The following ETV6 variants were observed in gnomAD, a reference collection of about 807,000 sequenced individuals.
The protein encoded by ETV6 is ETS variant transcription factor 6, also known as transcription factor ETV6.
A neutral mutation model predicts 51.1 loss-of-function variants in ETV6; 16 were observed. The ratio of observed to expected loss-of-function variants is 0.31; its 90% CI spans 0.21 to 0.48. The LOEUF (loss-of-function observed/expected upper bound fraction) is 0.48, where lower values mean the gene tolerates loss of function less well. Among genes scored for constraint, ETV6 ranks in the 20% least tolerant of loss-of-function variants. The pLI, the probability that ETV6 is intolerant of heterozygous loss-of-function variation, is 0.99. For synonymous variants in ETV6, 240 were observed against 224.1 expected, an observed-to-expected ratio of 1.07 and a Z score of -0.64; for missense variants, 458 against 594.8, an observed-to-expected ratio of 0.77 and a Z score of 2.39.
Position 11,855,880 on chromosome 12 carries a change from C to T in ETV6, c.463+2319C>T, listed in dbSNP as rs543525348. Among the ~76,000 whole-genome samples the T allele has an allele frequency of 3.3e-5, 5 of 152,312 alleles. No homozygotes were observed. In the South Asian group the frequency reaches 1.0e-3, roughly 32 times the overall value. ...TCCGGCTTGCATAATAGCCACCAGCCACTCCAGAGAAGAGGAGGTGGGTTT... is the reference window on the plus strand; with the variant it reads ...TCCGGCTTGCATAATAGCCACCAGCTACTCCAGAGAAGAGGAGGTGGGTTT... On this transcript the variant is annotated intron_variant, in intron 4 of 7. Coordinates refer to ENST00000396373, the MANE Select transcript of ETV6 (RefSeq NM_001987.5).
chr12:11,701,204 A>G (rs2120837880), intron 1 of ETV6, among the ~76,000 whole-genome samples: 1 of 152,140 alleles, frequency 6.6e-6, no homozygotes, highest in African/African-American at 2.4e-5. Flanking sequence ...GTACATTCAC[A>G]TTGTTGTGCA....
intron 4 of ETV6, among the ~76,000 whole-genome samples, chr12:11,868,438 C>CT (rs71057775): frequency 0.35 from 44,418 of 127,866 alleles, 8,552 homozygotes; most frequent in South Asian, 0.52. Context: ...CTTTTTTCTT[C>CT]TTTTTTTTTT....
chr12:11,768,069 T>C (rs1398505118), intron 2 of ETV6, among the ~76,000 whole-genome samples: 1 of 152,192 alleles, frequency 6.6e-6, no homozygotes, highest in Admixed American at 6.5e-5. Context: ...TGGTTCTCCT[T>C]GTCCAAATTG....
intron 3 of ETV6, among the ~76,000 whole-genome samples, chr12:11,847,788 GGAGGAGAGAAA>G (rs1295775517): frequency 6.6e-6 from 1 of 152,142 alleles, no homozygotes; most frequent in Non-Finnish European, 1.5e-5. Context: ...GGCTATAAAG[GGAGGAGAGAAA>G]CAGGAGCAGT....
In ETV6 at chr12:11,877,188, C is replaced by G. The variant is rs565517033; in HGVS notation, c.1009+7219C>G. Among the ~76,000 whole-genome samples, 262 of 152,288 alleles carry G rather than the reference C, an allele frequency of 1.7e-3. 1 individual carries two copies. Among genetic ancestry groups the G allele is most frequent in the Non-Finnish European group, 2.9e-3 (199 of 68,020 alleles). ...GAGAAAGCAGTTTGAGGCTTATCCT[C>G]AGGGGCTTCAAGGACTGGGAGAAGT... On this transcript the variant is annotated intron_variant, in intron 5 of 7. Transcript: ENST00000396373.
chr12:11,852,784 C>T (rs908024594), intron 3 of ETV6, among the ~76,000 whole-genome samples: 1 of 152,164 alleles, frequency 6.6e-6, no homozygotes, highest in African/African-American at 2.4e-5. Context: ...CTATTAAAAG[C>T]CCGCTTCTAA....
intron 1 of ETV6, among the ~76,000 whole-genome samples, chr12:11,704,077 A>G (rs568488547): frequency 3.3e-5 from 5 of 152,196 alleles, no homozygotes; most frequent in East Asian, 1.9e-4. Context: ...TACAACTTGC[A>G]TGTATTTTGT....
At chr12:11,879,897 C>T (rs1020367617) in intron 5 of ETV6, among the ~76,000 whole-genome samples, 9 of 151,794 alleles carry the variant, frequency 5.9e-5, no homozygotes, top group Admixed American at 3.3e-4. Context: ...GCATGGGTTC[C>T]GAAAAGGCTG....
At chr12:11,804,895 A>G (rs1447259642) in intron 2 of ETV6, among the ~76,000 whole-genome samples, 1 of 152,098 alleles carries the variant, frequency 6.6e-6, no homozygotes, top group African/African-American at 2.4e-5. Flanking sequence ...GTTTGTCCAA[A>G]AAGAAATCCT....
intron 1 of ETV6, among the ~76,000 whole-genome samples, chr12:11,728,811 T>C (rs576512043): frequency 6.6e-6 from 1 of 152,356 alleles, no homozygotes; most frequent in East Asian, 1.9e-4. Context: ...GTTCATTAAA[T>C]GTTTAAACCA....
intron 1 of ETV6, among the ~76,000 whole-genome samples, chr12:11,656,824 CTT>C (rs34349962): frequency 2.0e-5 from 3 of 147,280 alleles, no homozygotes; most frequent in Non-Finnish European, 3.0e-5. Context: ...CCTTATACAA[CTT>C]TTTTTTTTTT....
intron 2 of ETV6, among the ~76,000 whole-genome samples, chr12:11,815,360 C>T (rs1158350840): frequency 2.0e-5 from 3 of 152,176 alleles, no homozygotes; most frequent in Non-Finnish European, 1.5e-5. Context: ...CCCATCATAC[C>T]CTAATAGAAT....
At chr12:11,877,343 C>T (rs1297801673) in intron 5 of ETV6, among the ~76,000 whole-genome samples, 2 of 150,710 alleles carry the variant, frequency 1.3e-5, no homozygotes, top group Middle Eastern at 3.2e-3. Context: ...GCCTCAGGAG[C>T]AGCCTTGACA....
At chr12:11,774,420 T>TGTA (rs1945289187) in intron 2 of ETV6, among the ~76,000 whole-genome samples, 1 of 152,166 alleles carries the variant, frequency 6.6e-6, no homozygotes, top group African/African-American at 2.4e-5. Context: ...AAAGGCTGGA[T>TGTA]GTAGGTGAAG....
At chr12:11,852,280 CT>C (rs1240476767) in intron 3 of ETV6, among the ~76,000 whole-genome samples, 1 of 152,220 alleles carries the variant, frequency 6.6e-6, no homozygotes, top group Non-Finnish European at 1.5e-5. Context: ...AAGGCACCTG[CT>C]CAACCCAGCC....
chr12:11,833,294 G>A (rs1258040069), intron 2 of ETV6, among the ~76,000 whole-genome samples: 2 of 152,020 alleles, frequency 1.3e-5, no homozygotes, highest in East Asian at 3.8e-4. Context: ...AATTGTATAA[G>A]TACATTATCT....
At chr12:11,805,051 A>G (rs1462694303) in intron 2 of ETV6, among the ~76,000 whole-genome samples, 1 of 152,200 alleles carries the variant, frequency 6.6e-6, no homozygotes, top group African/African-American at 2.4e-5. Flanking sequence ...TGATTCCAGC[A>G]AGGGAAATGT....
intron 2 of ETV6, among the ~76,000 whole-genome samples, chr12:11,765,162 A>AG (rs1945145325): frequency 6.6e-6 from 1 of 152,188 alleles, no homozygotes; most frequent in African/African-American, 2.4e-5. Context: ...ACAACCCAAA[A>AG]CTTCAGGGTT....
rs1320818443 is a variant in ETV6, at chr12:11,891,635, A to G, written c.*589A>G. 2 of 528,482 alleles carry G rather than the reference A, an allele frequency of 3.8e-6. No individual in the cohort carries two copies. The highest frequency in any genetic ancestry group is 7.3e-6 in the Non-Finnish European group (2 of 273,738). The allele number at this position is 528,482 out of a possible 1,614,324, so 32.7% of individuals were successfully genotyped here. A position where few individuals can be genotyped will look rare whatever the true frequency, so the allele number is the denominator to read the frequency against. On this transcript the variant is annotated 3_prime_UTR_variant, in exon 8 of 8. Coordinates refer to ENST00000396373, the MANE Select transcript of ETV6 (RefSeq NM_001987.5). ...AATGCTTTTAAAAAAGATAAAATGA[A>G]AAGGAGAGCTCTCTTTTTCTCTCTC... is the stretch of plus-strand genomic sequence containing the variant.
Sources: gnomAD v4.1 joint callset for allele counts (sites outside exome capture counted in the v4.1 genomes callset) on GRCh38, gnomAD v4.1.1 for gene constraint, MANE v1.5 for transcripts, NCBI Gene and HGNC (gene_info 2026-07-23, HGNC 2026-07-21) for gene names.